IGSF10: variants seen among roughly 807,000 people sequenced by gnomAD.
The protein encoded by IGSF10 is calvaria mechanical force protein 608.
IGSF10 carries 126 observed loss-of-function variants against 128.2 expected under a neutral mutation model. The observed-to-expected ratio is 0.98, with a 90% CI of 0.85 to 1.14. IGSF10 has a LOEUF of 1.14. IGSF10 is among the 50% of genes most tolerant of loss of function. IGSF10 has a pLI of 0.00. For synonymous variants in IGSF10, 1,185 were observed against 1,146.2 expected (o/e 1.03, Z -0.68); for missense variants, 3,295 against 3,149.8 (o/e 1.05, Z -1.10).
the IGSF10 span, among the ~76,000 whole-genome samples, chr3:151,544,910 C>T: frequency 6.6e-6 from 1 of 152,030 alleles, no homozygotes; most frequent in South Asian, 2.1e-4. Context: ...ATTGGGTCTT[C>T]TATACTGATT....
In IGSF10 at chr3:151,446,923, C is replaced by G; in HGVS notation, c.3058G>C (p.Gly1020Arg). 4 of 1,614,176 alleles carry G rather than the reference C, an allele frequency of 2.5e-6. No individual in the cohort carries two copies. Among genetic ancestry groups the G allele is most frequent in the Non-Finnish European group, 3.4e-6 (4 of 1,180,030 alleles). The change falls in exon 6 of 8, where the codon GGG (glycine) becomes CGG (arginine). Residue 1020 changes from glycine to arginine, a missense_variant. Transcript: ENST00000282466. ...FGRQRKIGGR[G>R]RIISPYRTPV... ...GTTCTATATGGGCTGATAATCCGCC[C>G]CCTTCCGCCAATTTTCCTCTGCCTC...
At chr3:151,490,971 T>A in the IGSF10 span, among the ~76,000 whole-genome samples, 3 of 151,336 alleles carry the variant, frequency 2.0e-5, no homozygotes, top group African/African-American at 7.3e-5. Flanking sequence ...TATAAAAGAA[T>A]GAACAAACCC....
At chr3:151,616,412 G>C in the IGSF10 span, among the ~76,000 whole-genome samples, 1 of 152,122 alleles carries the variant, frequency 6.6e-6, no homozygotes. Context: ...ACATAGAATG[G>C]TGTTATTATA....
At chr3:151,482,151 A>T in the IGSF10 span, among the ~76,000 whole-genome samples, 1 of 152,224 alleles carries the variant, frequency 6.6e-6, no homozygotes, top group Non-Finnish European at 1.5e-5. Context: ...AGAAAACAAG[A>T]TACTATGAAA....
At chr3:151,592,271 A>G in the IGSF10 span, among the ~76,000 whole-genome samples, 1 of 151,944 alleles carries the variant, frequency 6.6e-6, no homozygotes, top group African/African-American at 2.4e-5. Context: ...ATACAAACGC[A>G]CACACACATG....
the IGSF10 span, among the ~76,000 whole-genome samples, chr3:151,546,221 G>C: frequency 1.3e-5 from 2 of 152,020 alleles, no homozygotes; most frequent in African/African-American, 4.8e-5. Context: ...GGTGATATTA[G>C]CATGCAGCGA....
In IGSF10 at chr3:151,446,550, G is replaced by A. The variant is rs1560176949; in HGVS notation, c.3431C>T (p.Thr1144Ile). 3 of 1,613,966 alleles carry A rather than the reference G, an allele frequency of 1.9e-6. No individual in the cohort carries two copies. Among genetic ancestry groups the A allele is most frequent in the Non-Finnish European group, 2.5e-6 (3 of 1,179,818 alleles). Residue 1144 changes from threonine to isoleucine, a missense_variant, in exon 6 of 8, where the codon ACA (threonine) becomes ATA (isoleucine). Transcript: ENST00000282466. ...CATGGGTATGGATGTTGGAGCATAT[G>A]TCATGACTGCACCAGTTGGAGTCAC... The part of the protein sequence containing the change: ...SQVTPTGAVM[T>I]YAPTSIPMEK...
chr3:151,515,646 T>C, the IGSF10 span, among the ~76,000 whole-genome samples: 11 of 151,238 alleles, frequency 7.3e-5, no homozygotes, highest in African/African-American at 2.7e-4. Context: ...CTGCATTCTG[T>C]GACTCATCAT....
chr3:151,485,627 A>G, the IGSF10 span, among the ~76,000 whole-genome samples: 58 of 152,350 alleles, frequency 3.8e-4, no homozygotes, highest in African/African-American at 1.3e-3. Context: ...ACAAGCCAGA[A>G]GAGAGTGGGG....
the IGSF10 span, among the ~76,000 whole-genome samples, chr3:151,539,082 C>T: frequency 6.6e-6 from 1 of 152,256 alleles, no homozygotes; most frequent in South Asian, 2.1e-4. Flanking sequence ...AGCTTCATTG[C>T]TGTTGGAAAG....
At chr3:151,504,462 C>A in the IGSF10 span, among the ~76,000 whole-genome samples, 34 of 152,196 alleles carry the variant, frequency 2.2e-4, no homozygotes, top group African/African-American at 8.2e-4. Context: ...ATATCTTGAT[C>A]CTTTTTGCTT....
chr3:151,547,015 C>CG, the IGSF10 span, among the ~76,000 whole-genome samples: 75,391 of 130,324 alleles, frequency 0.58, 18,903 homozygotes, highest in South Asian at 0.65. Context: ...CGGCGATCCA[C>CG]CCCCCCCTTG....
rs1210191748 is a variant in IGSF10 at position 151,448,996 on chromosome 3, T to G, written c.985A>C (p.Asn329His). The change falls in exon 6 of 8, where the codon AAC (asparagine) becomes CAC (histidine). Residue 329 changes from asparagine to histidine, a missense_variant. Transcript: ENST00000282466. ...NMTDQSGNEA[N>H]MVCSIQKPSR... ...GGCTTTTGAATACTGCAGACCATGT[T>G]AGCTTCATTTCCAGACTGATCTGTC... The G allele has an allele frequency of 6.2e-7, 1 of 1,614,124 alleles. No homozygotes were observed. The highest frequency in any genetic ancestry group is 1.3e-5 in the African/African-American group (1 of 74,944).
At chr3:151,540,484 AGT>A in the IGSF10 span, among the ~76,000 whole-genome samples, 21 of 152,268 alleles carry the variant, frequency 1.4e-4, no homozygotes, top group South Asian at 4.4e-3. Context: ...TATTCTCATT[AGT>A]GTGTTGTACT....
chr3:151,438,598 C>G lies in IGSF10; in HGVS notation c.5964-1G>C. 2 of 1,607,994 alleles carry G rather than the reference C, an allele frequency of 1.2e-6. No individual in the cohort carries two copies. Among genetic ancestry groups the G allele is most frequent in the Non-Finnish European group, 1.7e-6 (2 of 1,176,516 alleles). The stretch of plus-strand genomic sequence containing the variant: ...GTAGACGTGGATCCAGCTGCCCACT[C>G]TAAGGAGAAAAGAGATTCATTTGAG... On this transcript the variant is annotated splice_acceptor_variant, in intron 7 of 7. Transcript: ENST00000282466. LOFTEE classifies it high-confidence loss of function.
At chr3:151,493,702 T>C in the IGSF10 span, among the ~76,000 whole-genome samples, 1 of 152,132 alleles carries the variant, frequency 6.6e-6, no homozygotes. Flanking sequence ...TCTATAATGT[T>C]CATATAATGA....
At position 151,446,640 on chromosome 3, in the gene IGSF10, T is replaced by A; in HGVS notation, c.3341A>T (p.Glu1114Val). The stretch of plus-strand genomic sequence containing the variant: ...TGTTTTCTCTACACTGGGTTTGTTC[T>A]CAAGTAGTAATAGTGGATTCTGGAC... ...TLVQNPLLLL[E>V]NKPSVEKTTP... is the part of the protein sequence containing the mutation. Residue 1114 changes from glutamate to valine, a missense_variant, in exon 6 of 8, where the codon GAG becomes GTG. Glu to Val is a moderately radical substitution (Grantham distance 121). Transcript: ENST00000282466. 6 of 1,614,128 alleles carry A rather than the reference T, an allele frequency of 3.7e-6. No homozygotes were observed. Among genetic ancestry groups the A allele is most frequent in the Non-Finnish European group, 5.1e-6 (6 of 1,179,998 alleles).
chr3:151,438,628 C>T (rs765668994), intron 7 of IGSF10, 31 bp from the exon 8 acceptor site: 22 of 1,548,882 alleles, frequency 1.4e-5, no homozygotes, highest in Non-Finnish European at 1.9e-5. Context: ...TTTGAGTGTG[C>T]AGCTGTTAGC....
At chr3:151,549,712 A>G in the IGSF10 span, among the ~76,000 whole-genome samples, 3 of 152,052 alleles carry the variant, frequency 2.0e-5, no homozygotes, top group African/African-American at 7.2e-5. Flanking sequence ...TATGATTTTA[A>G]TGGAAACCAG....
Sources: gnomAD v4.1 joint callset for allele counts (sites outside exome capture counted in the v4.1 genomes callset) on GRCh38, gnomAD v4.1.1 for gene constraint, MANE v1.5 for transcripts, NCBI Gene and HGNC (gene_info 2026-07-23, HGNC 2026-07-21) for gene names.